The following TAF6L variants were observed in gnomAD, a reference collection of about 807,000 sequenced individuals.
The protein encoded by TAF6L is TATA-box binding protein associated factor 6 like.
TAF6L carries 34 observed loss-of-function variants against 57.3 expected under a neutral mutation model. The ratio of observed to expected loss-of-function variants is 0.59; its 90% confidence interval spans 0.45 to 0.79. The LOEUF is 0.79. Ranked by LOEUF, TAF6L falls within the 30% of genes least tolerant of loss-of-function variation. The pLI is 0.00. For missense variants in TAF6L, 782 were observed against 853.2 expected (o/e 0.92, Z 1.04); for synonymous variants, 417 against 376.3 (o/e 1.11, Z -1.25).
rs768309072 is a variant in TAF6L at position 62,786,765 on chromosome 11, C to G, written c.1338C>G (p.Ala446=). The part of the protein sequence containing the change: ...TLADIYRELY[A]FFGDSLATRF... ...CCGACATCTACCGGGAGCTCTACGC[C>G]TTCTTCGGTGACAGCTTGGCCACAC... The change falls in exon 11 of 11, where the codon GCC becomes GCG. Residue 446 remains alanine, a synonymous_variant. Transcript: ENST00000294168. 2.5e-6 allele frequency: 4 copies of G among 1,612,688 alleles called. No individual in the cohort carries two copies. Among genetic ancestry groups the G allele is most frequent in the Admixed American group, 3.3e-5 (2 of 59,988 alleles).
At chr11:62,782,399 T>A in intron 8 of TAF6L, 66 bp downstream of exon 8, 2 of 1,528,948 alleles carry the variant, frequency 1.3e-6, no homozygotes, top group Admixed American at 3.6e-5. Context: ...GGTAAGGAAA[T>A]GGGGCGAAGC....
intron 9 of TAF6L, 88 bp downstream of exon 9, chr11:62,782,913 G>A: frequency 1.3e-6 from 2 of 1,545,750 alleles, no homozygotes; most frequent in Non-Finnish European, 1.8e-6. Context: ...CTCCAAAATA[G>A]TGTGTGCCTG....
At chr11:62,781,713 A>T in intron 6 of TAF6L, 181 bp from the exon 7 acceptor site, 1 of 569,070 alleles carries the variant, frequency 1.8e-6, no homozygotes, top group Non-Finnish European at 3.2e-6. Flanking sequence ...GGCCATATGC[A>T]GGTATATGTG....
Position 62,786,914 on chromosome 11 carries a change from C to T in TAF6L, c.1487C>T (p.Pro496Leu), listed in dbSNP as rs762995963. 3 of 1,499,430 alleles carry T rather than the reference C, an allele frequency of 2.0e-6. No homozygotes were observed. Among genetic ancestry groups the T allele is most frequent in the South Asian group, 1.2e-5 (1 of 80,398 alleles). 92.9% of individuals were successfully genotyped at this position (1,499,430 alleles called of 1,614,324 possible). The change falls in exon 11 of 11, where the codon CCG becomes CTG. Residue 496 changes from proline (P) to leucine (L), a missense_variant. By Grantham distance (98) the Pro-to-Leu change is moderately conservative (BLOSUM62 -3). This residue lies in a region of TAF6L where 483 missense variants were observed against 445.1 expected (regional missense o/e 1.09). Coordinates refer to ENST00000294168, the MANE Select transcript of TAF6L (RefSeq NM_006473.4). ...PQLTASAIVSPHGDESPRGSG... is the reference protein window; with the variant it reads ...PQLTASAIVSLHGDESPRGSG... Reference sequence around the variant, plus strand: ...CTGACGGCAAGCGCCATAGTCAGCCCGCACGGCGACGAGAGCCCCCGGGGC... The same window carrying T: ...CTGACGGCAAGCGCCATAGTCAGCCTGCACGGCGACGAGAGCCCCCGGGGC...
chr11:62,780,150 C>T (rs1225513612), intron 6 of TAF6L, among the ~76,000 whole-genome samples: 5 of 150,828 alleles, frequency 3.3e-5, no homozygotes, highest in Non-Finnish European at 3.0e-5. Flanking sequence ...GAAACCCCAT[C>T]TTCACTAAAA....
chr11:62,775,718 T>C (rs1245806824), intron 1 of TAF6L, 53 bp from the exon 2 acceptor site: 1 of 1,548,194 alleles, frequency 6.5e-7, no homozygotes, highest in Non-Finnish European at 8.7e-7. Context: ...ATCACACTCC[T>C]GGGCTCTCCG....
Position 62,786,804 on chromosome 11 carries a change from C to T in TAF6L, c.1377C>T (p.Gly459=). 6.2e-7 allele frequency: 1 copy of T among 1,609,112 alleles called. No homozygotes were observed. Among genetic ancestry groups the T allele is most frequent in the African/African-American group, 1.3e-5 (1 of 75,014 alleles). The part of the protein sequence containing the change: ...GDSLATRFGT[G]QPAPTAPRPP... ...GCTTGGCCACACGCTTTGGCACCGGCCAGCCTGCACCCACGGCTCCGCGGC... is the reference window on the plus strand; with the variant it reads ...GCTTGGCCACACGCTTTGGCACCGGTCAGCCTGCACCCACGGCTCCGCGGC... Residue 459 remains glycine, a synonymous_variant, in exon 11 of 11, where the codon GGC becomes GGT. Transcript: ENST00000294168.
chr11:62,775,738 G>A, intron 1 of TAF6L, 33 bp from the exon 2 acceptor site: 1 of 1,572,732 alleles, frequency 6.4e-7, no homozygotes, highest in Non-Finnish European at 8.6e-7. Flanking sequence ...GGGAGGCTGG[G>A]CAGCTTTTCC....
rs1366374687 is a variant in TAF6L, at chr11:62,786,927, G to A, written c.1500G>A (p.Glu500=). The stretch of plus-strand genomic sequence containing the variant: ...CCATAGTCAGCCCGCACGGCGACGA[G>A]AGCCCCCGGGGCAGCGGCGGAGGCG... ...ASAIVSPHGD[E]SPRGSGGGGP... is the part of the protein sequence containing the mutation. The change falls in exon 11 of 11, where the codon GAG becomes GAA. Residue 500 remains glutamate, a synonymous_variant. Coordinates refer to ENST00000294168, the MANE Select transcript of TAF6L (RefSeq NM_006473.4). 6.7e-7 allele frequency: 1 copy of A among 1,487,044 alleles called. No homozygotes were observed. Among genetic ancestry groups the A allele is most frequent in the Non-Finnish European group, 8.9e-7 (1 of 1,127,436 alleles). The allele number at this position is 1,487,044 out of a possible 1,614,324, so 92.1% of individuals were successfully genotyped here.
At chr11:62,778,431 G>GGGTAAACACA in intron 5 of TAF6L, 96 bp downstream of exon 5, 1 of 1,436,772 alleles carries the variant, frequency 7.0e-7, no homozygotes, top group Non-Finnish European at 9.7e-7. Context: ...CGTCTAACAT[G>GGGTAAACACA]TGTTTACCCA....
rs1554997115 is a variant in TAF6L, at chr11:62,781,678, A to AAAT, written c.532-216_532-215insAAT. 2,774 of 463,340 alleles carry AAAT rather than the reference A, an allele frequency of 6.0e-3. 12 individuals carry two copies. Among genetic ancestry groups the AAAT allele is most frequent in the East Asian group, 0.013 (290 of 21,762 alleles). The allele number at this position is 463,340 out of a possible 1,614,324, so 28.7% of individuals were successfully genotyped here. ...ACTCGGTCTCAAAAAAAAAAAAAAA[A>AAAT]GTTGGACATTCAGGTTGTATTCAGG... On this transcript the variant is annotated intron_variant, in intron 6 of 10. Transcript: ENST00000294168.
chr11:62,774,664 C>T (rs1011707759), intron 1 of TAF6L: 2 of 455,056 alleles, frequency 4.4e-6, no homozygotes, highest in Non-Finnish European at 8.8e-6. Flanking sequence ...TTGTGCTATA[C>T]CCTGTGAACA....
rs1224586863 is a variant in TAF6L, at chr11:62,782,463, C to G, written c.827+130C>G. 6 of 1,106,756 alleles carry G rather than the reference C, an allele frequency of 5.4e-6. No homozygotes were observed. In the South Asian group the frequency reaches 6.1e-5, roughly 11 times the overall value. The allele number at this position is 1,106,756 out of a possible 1,614,324, so 68.6% of individuals were successfully genotyped here. On this transcript the variant is annotated intron_variant, in intron 8 of 10. Coordinates refer to ENST00000294168, the MANE Select transcript of TAF6L (RefSeq NM_006473.4). ...GGGGAACCTTTTCCCTAGGAGCGTC[C>G]TAGCTGGTGTGCTGTGACACACTGG...
chr11:62,772,284 G>T (rs559813010), intron 1 of TAF6L, among the ~76,000 whole-genome samples: 6 of 152,224 alleles, frequency 3.9e-5, no homozygotes, highest in Admixed American at 3.9e-4. Flanking sequence ...CACTTTGGGA[G>T]GCCGAGGCAC....
At chr11:62,782,393 A>C in intron 8 of TAF6L, 60 bp downstream of exon 8, 1 of 1,555,520 alleles carries the variant, frequency 6.4e-7, no homozygotes, top group Non-Finnish European at 8.7e-7. Context: ...GGTTGGGGTA[A>C]GGAAATGGGG....
intron 2 of TAF6L, 142 bp from the exon 3 acceptor site, chr11:62,776,242 G>A: frequency 3.7e-6 from 3 of 821,590 alleles, no homozygotes; most frequent in Non-Finnish European, 5.9e-6. Flanking sequence ...TTTTGTACAG[G>A]AGCAGAGACG....
At chr11:62,785,544 T>C (rs1327834136) in intron 9 of TAF6L, among the ~76,000 whole-genome samples, 1 of 150,670 alleles carries the variant, frequency 6.6e-6, no homozygotes, top group Admixed American at 6.6e-5. Flanking sequence ...AATTCTTTTT[T>C]TTTTTTTTGA....
chr11:62,778,024 C>T lies in TAF6L; in HGVS notation c.281C>T (p.Ala94Val), dbSNP rs1565187596. Residue 94 changes from alanine to valine, a missense_variant, in exon 4 of 11, where the codon GCC (alanine) becomes GTC (valine). Physicochemically the swap from Ala to Val is moderately conservative, Grantham distance 64. Around this residue, in one of 3 missense-constraint regions of TAF6L, gnomAD observed 220 missense variants for 252.1 expected, o/e 0.87. Transcript: ENST00000294168. Reference protein sequence around the residue: ...GSQEALPMRPAREGELYFPED... With the variant: ...GSQEALPMRPVREGELYFPED... ...CAGGAGGCACTGCCCATGCGCCCCG[C>T]CAGGGAGGGTGAACTCTACTTTCCT... is the stretch of plus-strand genomic sequence containing the variant. The T allele has an allele frequency of 6.2e-7, 1 of 1,614,202 alleles. No homozygotes were observed. Among genetic ancestry groups the T allele is most frequent in the Non-Finnish European group, 8.5e-7 (1 of 1,180,036 alleles).
In TAF6L at chr11:62,787,090, C is replaced by T. The variant is rs1177385393; in HGVS notation, c.1663C>T (p.Arg555Cys). Residue 555 changes from arginine (R) to cysteine (C), a missense_variant, in exon 11 of 11, where the codon CGC (arginine) becomes TGC (cysteine). Arg to Cys is a radical substitution (Grantham distance 180, BLOSUM62 -3). Coordinates refer to ENST00000294168, the MANE Select transcript of TAF6L (RefSeq NM_006473.4). ...TTTCCAGAAGAGCCGTTTCGCCCCGCGCGGCGCCCCGCACTTTCGTTTCAT... is the reference window on the plus strand; with the variant it reads ...TTTCCAGAAGAGCCGTTTCGCCCCGTGCGGCGCCCCGCACTTTCGTTTCAT... The part of the protein sequence containing the change: ...DVFQKSRFAP[R>C]GAPHFRFIIA... The T allele has an allele frequency of 2.6e-6, 4 of 1,539,088 alleles. No individual in the cohort carries two copies. The highest frequency in any genetic ancestry group is 2.6e-6 in the Non-Finnish European group (3 of 1,149,870).
Sources: allele counts gnomAD v4.1 joint callset (sites outside exome capture counted in the v4.1 genomes callset), GRCh38; gene constraint gnomAD v4.1.1; regional missense constraint gnomAD v4.1.1; transcripts MANE v1.5; gene names NCBI Gene and HGNC (gene_info 2026-07-23, HGNC 2026-07-21).